The following FBXO16 variants were observed in gnomAD, a reference collection of about 807,000 sequenced individuals.
The protein encoded by FBXO16 is F-box protein 16.
A neutral mutation model predicts 41.0 loss-of-function variants in FBXO16; 31 were observed. The ratio of observed to expected loss-of-function variants is 0.76; its 90% CI spans 0.57 to 1.02. The LOEUF (loss-of-function observed/expected upper bound fraction) is 1.02. Ranked by LOEUF, FBXO16 falls within the 50% of genes least tolerant of loss-of-function variation. The pLI, the probability that FBXO16 is intolerant of heterozygous loss-of-function variation, is 0.00. For synonymous variants in FBXO16, 133 were observed against 117.8 expected (o/e 1.13, Z -0.84); for missense variants, 361 against 346.2 (o/e 1.04, Z -0.34).
At chr8:28,434,802 C>A (rs904939819) in intron 7 of FBXO16, among the ~76,000 whole-genome samples, 3 of 152,208 alleles carry the variant, frequency 2.0e-5, no homozygotes, top group Non-Finnish European at 4.4e-5. Context: ...AGTGCGGGAC[C>A]CAGTCGGCCG....
chr8:28,453,579 G>T (rs1802989599), intron 5 of FBXO16, among the ~76,000 whole-genome samples: 1 of 151,878 alleles, frequency 6.6e-6, no homozygotes, highest in South Asian at 2.1e-4. Flanking sequence ...GCCATTAAGG[G>T]CTTAATTTTT....
Position 28,463,645 on chromosome 8 carries a change from G to A in FBXO16, c.309C>T (p.Phe103=), listed in dbSNP as rs1382227109. The part of the protein sequence containing the change: ...PRVLSLYIFS[F]LDPRSLCRCA... Reference sequence around the variant, plus strand: ...AACGACAAAGGCTCCGAGGGTCCAGGAAAGAAAAGATGTATAAAGATAACA... The same window carrying A: ...AACGACAAAGGCTCCGAGGGTCCAGAAAAGAAAAGATGTATAAAGATAACA... Residue 103 remains phenylalanine (F), a synonymous_variant, in exon 4 of 9, where the codon TTC becomes TTT. Coordinates refer to ENST00000380254, the MANE Select transcript of FBXO16 (RefSeq NM_172366.4). The A allele has an allele frequency of 6.2e-7, 1 of 1,614,104 alleles. No homozygotes were observed. The highest frequency in any genetic ancestry group is 8.5e-7 in the Non-Finnish European group (1 of 1,180,002).
At chr8:28,450,614 CAG>C (rs1802937602) in intron 6 of FBXO16, among the ~76,000 whole-genome samples, 1 of 152,174 alleles carries the variant, frequency 6.6e-6, no homozygotes, top group Non-Finnish European at 1.5e-5. Flanking sequence ...AACCTGACTC[CAG>C]CTCAGTCTCT....
intron 4 of FBXO16, among the ~76,000 whole-genome samples, chr8:28,460,747 T>C (rs1190731524): frequency 1.3e-5 from 2 of 151,974 alleles, no homozygotes; most frequent in African/African-American, 2.4e-5. Flanking sequence ...AATTTTTAAC[T>C]TTTGTAGAGA....
chr8:28,489,298 T>C (rs1237361085), intron 1 of FBXO16, among the ~76,000 whole-genome samples: 1 of 151,778 alleles, frequency 6.6e-6, no homozygotes, highest in African/African-American at 2.4e-5. Flanking sequence ...GCCAAGATCA[T>C]GCCACTGCAC....
At position 28,452,401 on chromosome 8, in the gene FBXO16, G is replaced by A. The variant is rs778914888; in HGVS notation, c.583C>T (p.Pro195Ser). The A allele has an allele frequency of 1.2e-6, 2 of 1,614,066 alleles. No homozygotes were observed. The highest frequency in any genetic ancestry group is 1.7e-5 in the Admixed American group (1 of 59,996). Residue 195 changes from proline (P) to serine (S), a missense_variant, in exon 6 of 9, where the codon CCT (proline) becomes TCT (serine). Physicochemically the swap from Pro to Ser is moderately conservative, Grantham distance 74. Transcript: ENST00000380254. ...GAAGAGGACCGAAAAGCTGATAAAG[G>A]GGACTGTTTTTCCTCTGGAGAATTG... Reference protein sequence around the residue: ...TSNSPEEKQSPLSAFRSSSSL... With the variant: ...TSNSPEEKQSSLSAFRSSSSL...
At chr8:28,476,857 T>TA (rs1203403929) in intron 2 of FBXO16, among the ~76,000 whole-genome samples, 1 of 152,234 alleles carries the variant, frequency 6.6e-6, no homozygotes, top group Non-Finnish European at 1.5e-5. Flanking sequence ...TCCTTTCTTT[T>TA]AAAAAACTGT....
chr8:28,447,068 A>G (rs572264230), intron 7 of FBXO16, 103 bp downstream of exon 7: 79 of 1,088,200 alleles, frequency 7.3e-5, no homozygotes, highest in Admixed American at 1.2e-4. Flanking sequence ...TCACCACTCC[A>G]TGATTCTGAT....
intron 6 of FBXO16, among the ~76,000 whole-genome samples, chr8:28,451,679 T>G (rs1299690055): frequency 1.3e-5 from 2 of 152,000 alleles, no homozygotes; most frequent in Non-Finnish European, 2.9e-5. Context: ...GGACTGCAAT[T>G]TAATATTAAA....
intron 7 of FBXO16, among the ~76,000 whole-genome samples, chr8:28,429,959 G>A (rs1338082064): frequency 2.0e-5 from 3 of 152,166 alleles, no homozygotes; most frequent in Non-Finnish European, 4.4e-5. Context: ...CTTTATTATT[G>A]ACTTCTCTGG....
rs777595836 is a variant in FBXO16, at chr8:28,456,795, C to A, written c.478G>T (p.Val160Leu). Residue 160 changes from valine to leucine, a missense_variant, in exon 5 of 9, where the codon GTG (valine) becomes TTG (leucine). Transcript: ENST00000380254. The part of the protein sequence containing the change: ...GIWKKHYIQM[V>L]KELHITKPKT... ...GGCTTGGTAATATGAAGTTCTTTCACCATTTGAATATAGTGCTTCTTCCAG... is the reference window on the plus strand; with the variant it reads ...GGCTTGGTAATATGAAGTTCTTTCAACATTTGAATATAGTGCTTCTTCCAG... The A allele has an allele frequency of 2.9e-5, 47 of 1,613,946 alleles. No homozygotes were observed. The highest frequency in any genetic ancestry group is 1.8e-5 in the Non-Finnish European group (21 of 1,180,010).
intron 3 of FBXO16, among the ~76,000 whole-genome samples, chr8:28,468,545 C>G (rs910788272): frequency 1.3e-5 from 2 of 152,122 alleles, no homozygotes; most frequent in Admixed American, 1.3e-4. Context: ...AAGTTTCAAA[C>G]AGGGCTGGGC....
intron 2 of FBXO16, among the ~76,000 whole-genome samples, chr8:28,479,914 T>A (rs76503036): frequency 7.9e-4 from 119 of 151,310 alleles, no homozygotes; most frequent in African/African-American, 2.7e-3. Context: ...TTTTTTTTTT[T>A]AAATAAAGAT....
At chr8:28,439,055 A>C (rs569447209) in intron 7 of FBXO16, among the ~76,000 whole-genome samples, 1 of 150,434 alleles carries the variant, frequency 6.6e-6, no homozygotes, top group Non-Finnish European at 1.5e-5. Flanking sequence ...AGATGGCCCC[A>C]CTGCACTCCA....
At chr8:28,460,245 A>ATT (rs34429050) in intron 4 of FBXO16, among the ~76,000 whole-genome samples, 167 of 85,420 alleles carry the variant, frequency 2.0e-3, no homozygotes, top group Non-Finnish European at 2.5e-3. Context: ...ATATATATAT[A>ATT]TTTTTTTTTT....
chr8:28,485,649 A>C (rs991625808), intron 1 of FBXO16, among the ~76,000 whole-genome samples: 2 of 152,210 alleles, frequency 1.3e-5, no homozygotes, highest in African/African-American at 4.8e-5. Flanking sequence ...CCTGTTGCCA[A>C]TATGCCACTG....
intron 4 of FBXO16, among the ~76,000 whole-genome samples, chr8:28,461,073 T>C (rs1803126293): frequency 6.7e-6 from 1 of 148,688 alleles, no homozygotes; most frequent in Admixed American, 7.0e-5. Flanking sequence ...AGGACAGTTC[T>C]ATACCTCTGC....
intron 5 of FBXO16, among the ~76,000 whole-genome samples, chr8:28,452,913 T>TA (rs921817956): frequency 7.7e-6 from 1 of 130,482 alleles, no homozygotes; most frequent in Non-Finnish European, 1.7e-5. Flanking sequence ...GATAAAAAAA[T>TA]AAAAAAAAAG....
chr8:28,447,353 G>T (rs1216851395), intron 6 of FBXO16, 80 bp from the exon 7 acceptor site: 2 of 1,210,816 alleles, frequency 1.7e-6, no homozygotes, highest in Non-Finnish European at 2.4e-6. Flanking sequence ...TTGTCTGTTT[G>T]AGTTTGTTGT....
Sources: gnomAD v4.1 joint callset for allele counts (sites outside exome capture counted in the v4.1 genomes callset) on GRCh38, gnomAD v4.1.1 for gene constraint, MANE v1.5 for transcripts, NCBI Gene and HGNC (gene_info 2026-07-23, HGNC 2026-07-21) for gene names.